TRPC1: variants seen among roughly 807,000 people sequenced by gnomAD.
TRPC1 encodes the protein transient receptor potential cation channel subfamily C member 1.
TRPC1 carries 42 observed loss-of-function variants against 88.2 expected under a neutral mutation model. That is an observed-to-expected ratio of 0.48 (90% CI 0.37 to 0.62). The LOEUF is 0.62. TRPC1 is among the 20% of genes least tolerant of loss of function. The probability of loss-of-function intolerance (pLI) is 0.00; values close to 1 mark genes in which losing one functional copy is unlikely to be tolerated. For synonymous variants in TRPC1, 288 were observed against 331.8 expected (o/e 0.87, Z 1.43); for missense variants, 699 against 957.3 (o/e 0.73, Z 3.56).
chr3:142,806,199 G>T lies in TRPC1; in HGVS notation c.2346G>T (p.Arg782=). The change falls in exon 13 of 13, where the codon CGG becomes CGT. Residue 782 remains arginine, a synonymous_variant. Coordinates refer to ENST00000476941, the MANE Select transcript of TRPC1 (RefSeq NM_001251845.2). The stretch of plus-strand genomic sequence containing the variant: ...AAATAAGGGATTTACTTGGCTTTCG[G>T]ACTTCTAAATATGCTATGTTTTATC... ...RNEIRDLLGF[R]TSKYAMFYPR... is the part of the protein sequence containing the mutation. The T allele has an allele frequency of 6.2e-7, 1 of 1,612,842 alleles. No homozygotes were observed. Among genetic ancestry groups the T allele is most frequent in the South Asian group, 1.1e-5 (1 of 91,010 alleles).
chr3:142,758,620 T>C (rs1436054888), intron 4 of TRPC1, among the ~76,000 whole-genome samples: 1 of 152,174 alleles, frequency 6.6e-6, no homozygotes, highest in Non-Finnish European at 1.5e-5. Context: ...TGTGGAAGTG[T>C]TTTAGCTTAC....
intron 4 of TRPC1, among the ~76,000 whole-genome samples, chr3:142,765,787 G>A (rs9827373): frequency 0.03 from 4,522 of 152,118 alleles, 237 homozygotes; most frequent in African/African-American, 0.1. Flanking sequence ...ATAAACAGAT[G>A]ATCTATAGAA....
At chr3:142,777,500 TAATA>T (rs1935819150) in intron 4 of TRPC1, 128 bp from the exon 5 acceptor site, 2 of 509,750 alleles carry the variant, frequency 3.9e-6, no homozygotes, top group Non-Finnish European at 6.0e-6. Context: ...GGTTATCTTG[TAATA>T]AATATATCTG....
rs766352624 is a variant in TRPC1, at chr3:142,784,889, A to G, written c.1146A>G (p.Thr382=). ...CTCAGTTTGGCAGAATCATTCACAC[A>G]CCTTTTATGAAATTTATCATTCATG... ...PKSQFGRIIH[T]PFMKFIIHGA... Residue 382 remains threonine, a synonymous_variant, in exon 7 of 13, where the codon ACA becomes ACG. Transcript: ENST00000476941. The G allele has an allele frequency of 1.9e-6, 3 of 1,613,950 alleles. No individual in the cohort carries two copies. The highest frequency in any genetic ancestry group is 2.7e-5 in the African/African-American group (2 of 74,912).
chr3:142,736,968 G>T (rs768113927), intron 2 of TRPC1, among the ~76,000 whole-genome samples: 1 of 151,940 alleles, frequency 6.6e-6, no homozygotes, highest in Non-Finnish European at 1.5e-5. Context: ...ACAGTTTTCA[G>T]TTTGACTTTG....
At chr3:142,781,174 T>C (rs1162807652) in intron 6 of TRPC1, 145 bp downstream of exon 6, 2 of 560,500 alleles carry the variant, frequency 3.6e-6, no homozygotes, top group East Asian at 6.4e-5. Context: ...TTATTGAATC[T>C]GTTTGAGCTT....
intron 1 of TRPC1, among the ~76,000 whole-genome samples, chr3:142,732,240 C>T (rs550186741): frequency 5.3e-5 from 8 of 152,208 alleles, no homozygotes; most frequent in Non-Finnish European, 8.8e-5. Context: ...GCTAAAGGCA[C>T]TTAAGGAGTT....
chr3:142,740,062 C>T (rs1386521444), intron 2 of TRPC1, among the ~76,000 whole-genome samples: 1 of 152,192 alleles, frequency 6.6e-6, no homozygotes, highest in Admixed American at 6.5e-5. Flanking sequence ...AGGTTGCATG[C>T]TCCTTATGAG....
chr3:142,769,130 C>T (rs1935493206), intron 4 of TRPC1, among the ~76,000 whole-genome samples: 1 of 152,014 alleles, frequency 6.6e-6, no homozygotes, highest in African/African-American at 2.4e-5. Flanking sequence ...TTCACCTTCA[C>T]TTTTTGAACT....
At chr3:142,742,162 C>CAAA (rs79513736) in intron 2 of TRPC1, among the ~76,000 whole-genome samples, 2 of 130,060 alleles carry the variant, frequency 1.5e-5, no homozygotes, top group African/African-American at 5.5e-5. Flanking sequence ...GACTCTGTCT[C>CAAA]AAAAAAAAAA....
chr3:142,742,696 C>G (rs1447666319), intron 2 of TRPC1, among the ~76,000 whole-genome samples: 1 of 151,990 alleles, frequency 6.6e-6, no homozygotes, highest in African/African-American at 2.4e-5. Context: ...TTATTTATCC[C>G]CATGTTTTCC....
At chr3:142,778,909 G>C (rs1400805642) in intron 5 of TRPC1, among the ~76,000 whole-genome samples, 3 of 152,148 alleles carry the variant, frequency 2.0e-5, no homozygotes, top group Non-Finnish European at 2.9e-5. Context: ...GTTTAAACTT[G>C]ATATGACATG....
Position 142,767,123 on chromosome 3 carries a change from T to C in TRPC1, c.633-10509T>C, listed in dbSNP as rs890669013. On this transcript the variant is annotated intron_variant, in intron 4 of 12. Coordinates refer to ENST00000476941, the MANE Select transcript of TRPC1 (RefSeq NM_001251845.2). This position sits in a 1 kb window ranked among gnomAD's most constrained non-coding sequence, Gnocchi z 5.1. ...TTTAATAGGTTTCATTTAATTTCTC[T>C]CAGCAATATTTTGTAATCCCCAGTG... Among the ~76,000 whole-genome samples, 1 of 152,210 alleles carries C rather than the reference T, an allele frequency of 6.6e-6. No individual in the cohort carries two copies. The highest frequency in any genetic ancestry group is 6.5e-5 in the Admixed American group (1 of 15,280).
chr3:142,753,626 G>A (rs913262983), intron 4 of TRPC1, among the ~76,000 whole-genome samples: 1 of 151,226 alleles, frequency 6.6e-6, no homozygotes, highest in African/African-American at 2.4e-5. Flanking sequence ...TTAGCTGGGC[G>A]TGGTGGCATG....
chr3:142,750,570 T>C (rs1022311736), intron 4 of TRPC1, among the ~76,000 whole-genome samples: 2 of 152,216 alleles, frequency 1.3e-5, no homozygotes, highest in African/African-American at 4.8e-5. Context: ...ACTGGATATA[T>C]ACCCAAAGGA....
At chr3:142,783,617 A>G (rs1416410495) in intron 6 of TRPC1, among the ~76,000 whole-genome samples, 1 of 152,226 alleles carries the variant, frequency 6.6e-6, no homozygotes, top group Non-Finnish European at 1.5e-5. Context: ...TTTAATCCAC[A>G]GATGTAGGAC....
intron 1 of TRPC1, among the ~76,000 whole-genome samples, chr3:142,733,740 C>T (rs575234490): frequency 1.3e-5 from 2 of 152,088 alleles, no homozygotes. Flanking sequence ...TTCAAATCAC[C>T]TAGAAATTAT....
chr3:142,797,358 G>C (rs1454535305), intron 9 of TRPC1, among the ~76,000 whole-genome samples: 1 of 151,930 alleles, frequency 6.6e-6, no homozygotes, highest in Non-Finnish European at 1.5e-5. Flanking sequence ...CAGTTTAAAG[G>C]CACCACATAC....
At chr3:142,758,491 T>C (rs977541758) in intron 4 of TRPC1, among the ~76,000 whole-genome samples, 1 of 152,204 alleles carries the variant, frequency 6.6e-6, no homozygotes, top group African/African-American at 2.4e-5. Flanking sequence ...TTATTTATTT[T>C]TGGTTTTTTG....
Sources: gnomAD v4.1 joint callset for allele counts (sites outside exome capture counted in the v4.1 genomes callset) on GRCh38, gnomAD v4.1.1 for gene constraint, Gnocchi (gnomAD v3.1) non-coding constraint, MANE v1.5 for transcripts, NCBI Gene and HGNC (gene_info 2026-07-23, HGNC 2026-07-21) for gene names.